Variants in EHD4 observed in about 807,000 individuals in gnomAD.
EHD4 encodes EH domain-containing protein 4.
A neutral mutation model predicts 51.0 loss-of-function variants in EHD4; 37 were observed. That is an observed-to-expected ratio of 0.73 (90% CI 0.56 to 0.95). The LOEUF (loss-of-function observed/expected upper bound fraction) is 0.95. EHD4 is among the 40% of genes least tolerant of loss of function. The probability of loss-of-function intolerance (pLI) is 0.00; values close to 1 mark genes in which losing one functional copy is unlikely to be tolerated. For missense variants in EHD4, 632 were observed against 733.1 expected (o/e 0.86, Z 1.59); for synonymous variants, 297 against 317.3 (o/e 0.94, Z 0.68).
intron 1 of EHD4, among the ~76,000 whole-genome samples, chr15:41,970,645 C>T (rs972379073): frequency 1.3e-5 from 2 of 152,194 alleles, no homozygotes; most frequent in Non-Finnish European, 2.9e-5. Context: ...TGCATTATCT[C>T]CAGGTTGGCA....
At chr15:41,920,694 A>G (rs893928710) in intron 3 of EHD4, among the ~76,000 whole-genome samples, 1 of 152,176 alleles carries the variant, frequency 6.6e-6, no homozygotes, top group Non-Finnish European at 1.5e-5. Context: ...TTTAAAACCA[A>G]GTATCGTTTC....
chr15:41,964,655 T>C (rs1192353954), intron 1 of EHD4, among the ~76,000 whole-genome samples: 1 of 151,886 alleles, frequency 6.6e-6, no homozygotes, highest in African/African-American at 2.4e-5. Context: ...TTACTGGCAG[T>C]TTGGTGAATT....
At position 41,919,566 on chromosome 15, in the gene EHD4, G is replaced by C; in HGVS notation, c.568C>G (p.Leu190Val). ...TCCAGCTTGTGAGCGTCAAAGAGCA[G>C]GATGATCCTGTCCACCCTCTCGGCA... ...WFAERVDRII[L>V]LFDAHKLDIS... The change falls in exon 4 of 6, where the codon CTG (leucine) becomes GTG (valine). Residue 190 changes from leucine to valine, a missense_variant. Transcript: ENST00000220325. 6.6e-7 allele frequency: 1 copy of C among 1,523,992 alleles called. No homozygotes were observed. Among genetic ancestry groups the C allele is most frequent in the Non-Finnish European group, 8.8e-7 (1 of 1,138,094 alleles). 94.4% of individuals were successfully genotyped at this position (1,523,992 alleles called of 1,614,324 possible).
At chr15:41,966,536 T>TCAGGGTCAAAC (rs1234652289) in intron 1 of EHD4, among the ~76,000 whole-genome samples, 1 of 152,032 alleles carries the variant, frequency 6.6e-6, no homozygotes, top group Non-Finnish European at 1.5e-5. Context: ...GGGCATATGG[T>TCAGGGTCAAAC]CAGGGTCAAA....
chr15:41,910,600 C>T (rs1025763753), intron 4 of EHD4, among the ~76,000 whole-genome samples: 8 of 152,190 alleles, frequency 5.3e-5, no homozygotes, highest in Non-Finnish European at 1.0e-4. Flanking sequence ...GATGGAATCT[C>T]GCTCTGTTGC....
chr15:41,957,091 G>A (rs979246078), intron 1 of EHD4, among the ~76,000 whole-genome samples: 2 of 152,190 alleles, frequency 1.3e-5, no homozygotes, highest in Non-Finnish European at 1.5e-5. Flanking sequence ...AGCATTTTGG[G>A]AGGCCGCAGT....
intron 3 of EHD4, among the ~76,000 whole-genome samples, chr15:41,932,182 T>A (rs961234316): frequency 6.6e-6 from 1 of 152,154 alleles, no homozygotes; most frequent in Non-Finnish European, 1.5e-5. Flanking sequence ...TCTATCTATA[T>A]GATGGACTGC....
chr15:41,949,369 C>CA lies in EHD4; in HGVS notation c.413+4394dup, dbSNP rs200807554. 9.6e-3 allele frequency among the ~76,000 whole-genome samples: 1,459 copies of CA among 151,316 alleles called. 31 individuals are homozygous for CA. Among genetic ancestry groups the CA allele is most frequent in the African/African-American group, 0.034 (1,391 of 41,068 alleles). ...TGGGTGACAGAGCAAGACTCCATCTCAAAAAAATAATAATAATAAAATAAA... is the reference window on the plus strand; with the variant it reads ...TGGGTGACAGAGCAAGACTCCATCTCAAAAAAAATAATAATAATAAAATAAA... On this transcript the variant is annotated intron_variant, in intron 2 of 5. Transcript: ENST00000220325.
At chr15:41,916,329 G>A (rs1463061562) in intron 4 of EHD4, among the ~76,000 whole-genome samples, 1 of 152,182 alleles carries the variant, frequency 6.6e-6, no homozygotes, top group Non-Finnish European at 1.5e-5. Context: ...CACACTGACC[G>A]AGGTTTGAAC....
intron 5 of EHD4, among the ~76,000 whole-genome samples, chr15:41,908,028 G>A (rs969570061): frequency 1.3e-5 from 2 of 151,982 alleles, no homozygotes; most frequent in African/African-American, 2.4e-5. Context: ...ACCACACCCG[G>A]CTAATTTTTG....
In EHD4 at chr15:41,972,437, C is replaced by A; in HGVS notation, c.58G>T (p.Ala20Ser). Residue 20 changes from alanine to serine, a missense_variant, in exon 1 of 6, where the codon GCG (alanine) becomes TCG (serine). Ala to Ser is a moderately conservative substitution (Grantham distance 99, BLOSUM62 1). Coordinates refer to ENST00000220325, the MANE Select transcript of EHD4 (RefSeq NM_139265.4). ...AGCCCGCCCGTCACCGTCTGCACCG[C>A]GTCCGCGCCGCCAGCGCGTTCGCGC... The part of the protein sequence containing the change: ...GGRERAGGAD[A>S]VQTVTGGLRS... The A allele has an allele frequency of 6.3e-7, 1 of 1,590,412 alleles. No homozygotes were observed. The highest frequency in any genetic ancestry group is 8.5e-7 in the Non-Finnish European group (1 of 1,170,374).
chr15:41,930,655 G>C (rs2067692200), intron 3 of EHD4, among the ~76,000 whole-genome samples: 1 of 152,134 alleles, frequency 6.6e-6, no homozygotes, highest in Non-Finnish European at 1.5e-5. Context: ...CAAGTGTCCT[G>C]CATGCCTGTG....
At chr15:41,937,682 C>T (rs1226711759) in intron 3 of EHD4, among the ~76,000 whole-genome samples, 1 of 152,242 alleles carries the variant, frequency 6.6e-6, no homozygotes. Context: ...AGTGTTCTCT[C>T]TCCTTTCCCG....
chr15:41,900,580 G>A lies in EHD4; in HGVS notation c.*65C>T. The A allele has an allele frequency of 7.5e-6, 11 of 1,462,358 alleles. No homozygotes were observed. The highest frequency in any genetic ancestry group is 1.0e-5 in the Non-Finnish European group (11 of 1,099,034). The allele number at this position is 1,462,358 out of a possible 1,614,324, so 90.6% of individuals were successfully genotyped here. On this transcript the variant is annotated 3_prime_UTR_variant, in exon 6 of 6. Coordinates refer to ENST00000220325, the MANE Select transcript of EHD4 (RefSeq NM_139265.4). The surrounding 1 kb of genome is among the most constrained non-coding windows in gnomAD (Gnocchi z 4.8). Reference sequence around the variant, plus strand: ...TGCCTTGCCCAAGGTCATTCGGTGAGTCAGTGGTGGAGCAGGCCTGAGGCC... The same window carrying A: ...TGCCTTGCCCAAGGTCATTCGGTGAATCAGTGGTGGAGCAGGCCTGAGGCC...
At chr15:41,934,431 C>T (rs565117029) in intron 3 of EHD4, among the ~76,000 whole-genome samples, 2 of 151,854 alleles carry the variant, frequency 1.3e-5, no homozygotes, top group South Asian at 2.1e-4. Context: ...TCTCTTGCCT[C>T]GGCCTCCCAA....
chr15:41,919,305 C>T lies in EHD4; in HGVS notation c.829G>A (p.Glu277Lys). The T allele has an allele frequency of 1.9e-6, 3 of 1,614,238 alleles. No homozygotes were observed. Among genetic ancestry groups the T allele is most frequent in the Non-Finnish European group, 2.5e-6 (3 of 1,180,044 alleles). Residue 277 changes from glutamate (E) to lysine (K), a missense_variant, in exon 4 of 6, where the codon GAG (glutamate) becomes AAG (lysine). By Grantham distance (56) the Glu-to-Lys change is moderately conservative. Coordinates refer to ENST00000220325, the MANE Select transcript of EHD4 (RefSeq NM_139265.4). ...NTDNRRLFEAEAQDLFRDIQS... is the reference protein window; with the variant it reads ...NTDNRRLFEAKAQDLFRDIQS... Reference sequence around the variant, plus strand: ...ATGTCTCTAAAGAGGTCCTGGGCCTCAGCCTCGAAGAGCCGGCGGTTGTCC... The same window carrying T: ...ATGTCTCTAAAGAGGTCCTGGGCCTTAGCCTCGAAGAGCCGGCGGTTGTCC...
rs557226769 is a variant in EHD4, at chr15:41,962,773, C to T, written c.237-8833G>A. Among the ~76,000 whole-genome samples, 8 of 151,964 alleles carry T rather than the reference C, an allele frequency of 5.3e-5. No homozygotes were observed. The East Asian group carries it at 7.7e-4, about 15-fold the overall frequency. On this transcript the variant is annotated intron_variant, in intron 1 of 5. Transcript: ENST00000220325. ...GAAGTGAGGAGCCCCTCTGCCCGGC[C>T]GCCACCCTGTCTGGGAGGTGTACCC...
intron 3 of EHD4, among the ~76,000 whole-genome samples, chr15:41,940,363 G>T (rs73410628): frequency 0.031 from 4,778 of 152,302 alleles, 246 homozygotes; most frequent in African/African-American, 0.11. Context: ...TATGAAGCTG[G>T]TCTTACGAAG....
chr15:41,919,390 G>A lies in EHD4; in HGVS notation c.744C>T (p.Asn248=), dbSNP rs577358797. The A allele has an allele frequency of 6.3e-5, 102 of 1,610,568 alleles. 2 individuals are homozygous for A. The South Asian group carries it at 1.1e-3, about 17-fold the overall frequency. The change falls in exon 4 of 6, where the codon AAC becomes AAT. Residue 248 remains asparagine (N), a synonymous_variant. Coordinates refer to ENST00000220325, the MANE Select transcript of EHD4 (RefSeq NM_139265.4). ...ALMWSLGKVI[N]TPEVLRVYIG... is the part of the protein sequence containing the mutation. ...TGTAGACGCGCAGTACCTCGGGCGT[G>A]TTGATGACCTTGCCTAGGGACCACA...
Sources: allele counts gnomAD v4.1 joint callset (sites outside exome capture counted in the v4.1 genomes callset), GRCh38; gene constraint gnomAD v4.1.1; non-coding constraint Gnocchi (gnomAD v3.1); transcripts MANE v1.5; gene names NCBI Gene and HGNC (gene_info 2026-07-23, HGNC 2026-07-21).